The following PLEKHG1 variants were observed in gnomAD, a reference collection of about 807,000 sequenced individuals.
PLEKHG1 encodes the protein pleckstrin homology and RhoGEF domain containing G1.
PLEKHG1 carries 44 observed loss-of-function variants against 100.8 expected under a neutral mutation model. That is an observed-to-expected ratio of 0.44 (90% CI 0.34 to 0.56). The LOEUF (loss-of-function observed/expected upper bound fraction) is 0.56, where lower values mean the gene tolerates loss of function less well. PLEKHG1 is among the 20% of genes least tolerant of loss of function. The pLI is 0.01. For missense variants in PLEKHG1, 1,545 were observed against 1,720.9 expected, an observed-to-expected ratio of 0.90 and a Z score of 1.81; for synonymous variants, 640 against 662.5, an observed-to-expected ratio of 0.97 and a Z score of 0.52.
chr6:150,602,909 G>A (rs1358432006), intron 1 of PLEKHG1, among the ~76,000 whole-genome samples: 1 of 151,540 alleles, frequency 6.6e-6, no homozygotes, highest in Non-Finnish European at 1.5e-5. Flanking sequence ...GTGAAACCCC[G>A]TCTCTACTAA....
intron 1 of PLEKHG1, among the ~76,000 whole-genome samples, chr6:150,631,985 G>T (rs1442023758): frequency 1.3e-5 from 2 of 152,208 alleles, no homozygotes; most frequent in Non-Finnish European, 2.9e-5. Context: ...AGAGCTTCTA[G>T]GCTTTCTGGC....
At chr6:150,675,476 G>A (rs958203160) in intron 3 of PLEKHG1, among the ~76,000 whole-genome samples, 3 of 152,248 alleles carry the variant, frequency 2.0e-5, no homozygotes, top group Non-Finnish European at 4.4e-5. Flanking sequence ...GTTAGGCAAA[G>A]GGAGATCCTC....
intron 3 of PLEKHG1, among the ~76,000 whole-genome samples, chr6:150,699,296 C>T (rs1206816952): frequency 4.6e-5 from 7 of 152,226 alleles, no homozygotes; most frequent in Admixed American, 1.3e-4. Context: ...AGAACTCTTA[C>T]CTGAAGTCTC....
chr6:150,824,852 G>T (rs989718833), intron 14 of PLEKHG1, among the ~76,000 whole-genome samples: 1 of 152,142 alleles, frequency 6.6e-6, no homozygotes, highest in Non-Finnish European at 1.5e-5. Flanking sequence ...ACCTTTAAGT[G>T]ATTGTCATGG....
chr6:150,674,951 G>C (rs1257183927), intron 3 of PLEKHG1, among the ~76,000 whole-genome samples: 2 of 152,088 alleles, frequency 1.3e-5, no homozygotes, highest in Admixed American at 1.3e-4. Flanking sequence ...CCAGAGTGCT[G>C]GGATTGCAGG....
At chr6:150,708,784 T>C (rs1781126008) in intron 3 of PLEKHG1, among the ~76,000 whole-genome samples, 1 of 152,246 alleles carries the variant, frequency 6.6e-6, no homozygotes, top group Non-Finnish European at 1.5e-5. Context: ...GGATATCTTA[T>C]GGCAGGTGCT....
chr6:150,716,758 C>T (rs1781462434), upstream of PLEKHG1, among the ~76,000 whole-genome samples: 1 of 152,220 alleles, frequency 6.6e-6, no homozygotes, highest in African/African-American at 2.4e-5. Context: ...CTCCTTCGCC[C>T]TTCCCAGAGG....
chr6:150,765,970 C>G (rs990457256), intron 2 of PLEKHG1, among the ~76,000 whole-genome samples: 1 of 152,272 alleles, frequency 6.6e-6, no homozygotes, highest in Non-Finnish European at 1.5e-5. Flanking sequence ...GTCAGATCTA[C>G]TTGGATATCT....
At chr6:150,830,289 TCCTTC>T (rs1776844337) in intron 14 of PLEKHG1, among the ~76,000 whole-genome samples, 1 of 152,204 alleles carries the variant, frequency 6.6e-6, no homozygotes, top group Non-Finnish European at 1.5e-5. Context: ...TTAGTTCCTG[TCCTTC>T]CCTTTTTGAA....
intron 3 of PLEKHG1, among the ~76,000 whole-genome samples, chr6:150,776,429 A>G (rs531714170): frequency 1.9e-4 from 27 of 144,400 alleles, no homozygotes; most frequent in African/African-American, 6.1e-4. Flanking sequence ...CACTGATGCA[A>G]TCCTGGTGCA....
Position 150,800,824 on chromosome 6 carries a change from CTT to C in PLEKHG1, c.736_737del (p.Leu246GlufsTer15), listed in dbSNP as rs1487026618. 1 of 1,613,974 alleles carries C rather than the reference CTT, an allele frequency of 6.2e-7. No individual in the cohort carries two copies. Among genetic ancestry groups the C allele is most frequent in the Non-Finnish European group, 8.5e-7 (1 of 1,179,946 alleles). Reference sequence around the variant, plus strand: ...ACTCGCTGCCTCTGGGGTCCTATCTCTTGAAACCAGTTCAGCGGATTCTCAAG... The same window carrying C: ...ACTCGCTGCCTCTGGGGTCCTATCTCGAAACCAGTTCAGCGGATTCTCAAG... On this transcript the variant is annotated frameshift_variant, in exon 6 of 16. Coordinates refer to ENST00000358517, the Ensembl canonical transcript of PLEKHG1. LOFTEE classifies it high-confidence loss of function.
chr6:150,816,290 C>T (rs1045097186), intron 10 of PLEKHG1, among the ~76,000 whole-genome samples: 1 of 141,754 alleles, frequency 7.1e-6, no homozygotes, highest in Non-Finnish European at 1.5e-5. Context: ...GACTTTAATC[C>T]AGAATGTAAG....
chr6:150,768,769 AT>A (rs757920436), intron 3 of PLEKHG1, 31 bp downstream of exon 4: 74 of 1,235,790 alleles, frequency 6.0e-5, no homozygotes, highest in Non-Finnish European at 1.6e-5. Context: ...TTGTTCTCAC[AT>A]ACGAGCATTA....
At chr6:150,777,008 T>A (rs1785010418) in intron 3 of PLEKHG1, among the ~76,000 whole-genome samples, 1 of 151,452 alleles carries the variant, frequency 6.6e-6, no homozygotes, top group South Asian at 2.1e-4. Context: ...CTGGTGCACA[T>A]GTGCAGTTGC....
At chr6:150,646,562 C>G (rs1341861267) in intron 2 of PLEKHG1, among the ~76,000 whole-genome samples, 1 of 152,118 alleles carries the variant, frequency 6.6e-6, no homozygotes, top group African/African-American at 2.4e-5. Flanking sequence ...TTGTATTACA[C>G]AGGCCATTGT....
intron 1 of PLEKHG1, among the ~76,000 whole-genome samples, chr6:150,607,974 A>G (rs1468771993): frequency 7.2e-5 from 11 of 152,174 alleles, no homozygotes; most frequent in Non-Finnish European, 1.0e-4. Context: ...TATGAGATAA[A>G]TGCTATTTCC....
Position 150,831,446 on chromosome 6 carries a change from G to A in PLEKHG1, c.2335G>A (p.Asp779Asn), listed in dbSNP as rs755716434. 6 of 1,614,156 alleles carry A rather than the reference G, an allele frequency of 3.7e-6. No homozygotes were observed. In the South Asian group the frequency reaches 6.6e-5, roughly 18 times the overall value. ...TCTGGAGGCCGACTTCGTGTGCTGT[G>A]ACAGCCTGAGGCCATTTGTTTCCCA... The change falls in exon 15 of 16, where the codon GAC (aspartate) becomes AAC (asparagine). Residue 779 changes from aspartate to asparagine, a missense_variant. Physicochemically the swap from Asp to Asn is conservative, Grantham distance 23. Transcript: ENST00000358517. This position sits in a 1 kb window ranked among gnomAD's most constrained non-coding sequence, Gnocchi z 4.1.
At chr6:150,809,123 A>G in exon 8 of PLEKHG1, 1 of 1,613,948 alleles carries the variant, frequency 6.2e-7, no homozygotes, top group Non-Finnish European at 8.5e-7. Context: ...GAGTTTGCTC[A>G]CTAACTGGAA....
Position 150,600,037 on chromosome 6 carries a change from G to A in PLEKHG1, c.-204+20G>A, listed in dbSNP as rs1163266346. The A allele has an allele frequency of 4.5e-5, 10 of 220,304 alleles. No individual in the cohort carries two copies. Among genetic ancestry groups the A allele is most frequent in the Non-Finnish European group, 7.8e-5 (8 of 103,202 alleles). The allele number at this position is 220,304 out of a possible 1,614,324, so 13.6% of individuals were successfully genotyped here. ...CCCCGGGTAAGCGCCGGTCGGGCCCGGACGCCCTGGGGACTTTTCCAGGGA... is the reference window on the plus strand; with the variant it reads ...CCCCGGGTAAGCGCCGGTCGGGCCCAGACGCCCTGGGGACTTTTCCAGGGA... On this transcript the variant is annotated intron_variant, in intron 1 of 3. Transcript: ENST00000367326. This position sits in a 1 kb window ranked among gnomAD's most constrained non-coding sequence, Gnocchi z 6.2.
Sources: allele counts gnomAD v4.1 joint callset (sites outside exome capture counted in the v4.1 genomes callset), GRCh38; gene constraint gnomAD v4.1.1; non-coding constraint Gnocchi (gnomAD v3.1); transcripts MANE v1.5; gene names NCBI Gene and HGNC (gene_info 2026-07-23, HGNC 2026-07-21).